The following ARHGAP4 variants were observed in gnomAD, a reference collection of about 807,000 sequenced individuals.
ARHGAP4 encodes Rho GTPase activating protein 4.
ARHGAP4 carries 25 observed loss-of-function variants against 67.6 expected under a neutral mutation model. The observed-to-expected ratio is 0.37, with a 90% CI of 0.27 to 0.52. The LOEUF is 0.52. Among genes scored for constraint, ARHGAP4 ranks in the 20% least tolerant of loss-of-function variants. ARHGAP4 has a pLI of 0.92. For missense variants in ARHGAP4, 804 were observed against 854.6 expected, an observed-to-expected ratio of 0.94 and a Z score of 0.74; for synonymous variants, 448 against 373.7, an observed-to-expected ratio of 1.20 and a Z score of -2.29.
Position 153,907,698 on chromosome X carries a change from G to T in ARHGAP4, c.*31C>A. 1.2e-6 allele frequency: 1 copy of T among 841,648 alleles called. No homozygotes were observed. Among genetic ancestry groups the T allele is most frequent in the Non-Finnish European group, 1.6e-6 (1 of 636,013 alleles). The allele number at this position is 841,648 out of a possible 1,213,427, so 69.4% of individuals were successfully genotyped here. The stretch of plus-strand genomic sequence containing the variant: ...AGAGTGGCCGGTCCAGCGGGTAGCC[G>T]CCGGGGGCACGCATCTCCAGCAGCG... On this transcript the variant is annotated 3_prime_UTR_variant, in exon 22 of 22. Coordinates refer to ENST00000350060, the MANE Select transcript of ARHGAP4 (RefSeq NM_001666.5).
chrX:153,924,919 AC>A lies in ARHGAP4; in HGVS notation c.67+1216del, dbSNP rs34910218. Among the ~76,000 whole-genome samples, 139 of 112,014 alleles carry A rather than the reference AC, an allele frequency of 1.2e-3. 1 individual carries two copies. The highest frequency in any genetic ancestry group is 0.01 in the Admixed American group (111 of 10,594). On this transcript the variant is annotated intron_variant, in intron 1 of 21. Transcript: ENST00000350060. ...GAGAATTTAGGGTGTCAAGACAGTG[AC>A]CCCACTTTGTAGAATGGTAGGAAGC...
intron 9 of ARHGAP4, 23 bp from the exon 10 acceptor site, chrX:153,913,325 C>T: frequency 8.4e-7 from 1 of 1,196,563 alleles, no homozygotes; most frequent in African/African-American, 1.7e-5. Flanking sequence ...AAGAAGAGCC[C>T]CAAGTGTTAG....
chrX:153,910,467 C>A (rs2065010939), intron 16 of ARHGAP4, 39 bp downstream of exon 16: 1 of 1,164,611 alleles, frequency 8.6e-7, no homozygotes, highest in South Asian at 1.9e-5. Flanking sequence ...TCCCCTCGAC[C>A]CCTGGCCCCC....
intron 21 of ARHGAP4, 44 bp from the exon 22 acceptor site, chrX:153,908,006 C>CGACTG: frequency 9.0e-7 from 1 of 1,107,437 alleles, no homozygotes; most frequent in Non-Finnish European, 1.2e-6. Context: ...TGAGTTCCCC[C>CGACTG]GACTGACCCT....
intron 7 of ARHGAP4, among the ~76,000 whole-genome samples, chrX:153,916,828 A>G (rs920932003): frequency 1.8e-5 from 2 of 113,232 alleles, no homozygotes; most frequent in Non-Finnish European, 1.9e-5. Flanking sequence ...CTGTAATCCC[A>G]GCACTTTGGG....
rs781869664 is a variant in ARHGAP4 at position 153,921,175 on chromosome X, A to AG, written c.436-17dup. ...GATCCCTGCTCTAGAGGCAGAGGCAAGGGTGAGCACGGCACTGCCCAGAGC... is the reference window on the plus strand; with the variant it reads ...GATCCCTGCTCTAGAGGCAGAGGCAAGGGGTGAGCACGGCACTGCCCAGAGC... On this transcript the variant is annotated splice_polypyrimidine_tract_variant and intron_variant, in intron 3 of 21. Transcript: ENST00000350060. 14 of 1,195,299 alleles carry AG rather than the reference A, an allele frequency of 1.2e-5. No individual in the cohort carries two copies. Among genetic ancestry groups the AG allele is most frequent in the Non-Finnish European group, 1.4e-5 (12 of 886,901 alleles).
chrX:153,909,958 G>C (rs1335389698), intron 18 of ARHGAP4, 34 bp from the exon 19 acceptor site: 1 of 1,209,298 alleles, frequency 8.3e-7, no homozygotes, highest in East Asian at 3.0e-5. Context: ...CTGTGGGAGG[G>C]GGTGTGGACA....
In ARHGAP4 at chrX:153,907,577, C is replaced by A. The variant is rs1557101492; in HGVS notation, c.*152G>T. On this transcript the variant is annotated 3_prime_UTR_variant, in exon 22 of 22. Coordinates refer to ENST00000350060, the MANE Select transcript of ARHGAP4 (RefSeq NM_001666.5). ...CAGGCAGGATGTGGAGCGGGCATCC[C>A]TGTGTGCACGGCCCCATCCCACCTC... is the stretch of plus-strand genomic sequence containing the variant. 5.4e-6 allele frequency: 2 copies of A among 373,499 alleles called. No individual in the cohort carries two copies. Among genetic ancestry groups the A allele is most frequent in the Admixed American group, 5.0e-5 (1 of 20,094 alleles). The allele number at this position is 373,499 out of a possible 1,213,427, so 30.8% of individuals were successfully genotyped here. A position where few individuals can be genotyped will look rare whatever the true frequency, so the allele number is the denominator to read the frequency against.
chrX:153,914,433 C>T (rs781922996), intron 7 of ARHGAP4, among the ~76,000 whole-genome samples: 1 of 112,739 alleles, frequency 8.9e-6, no homozygotes, highest in East Asian at 2.8e-4. Flanking sequence ...CAGTGGCTCA[C>T]GCCTCTAATC....
chrX:153,921,576 C>T (rs1557105346), intron 2 of ARHGAP4, 29 bp downstream of exon 2: 10 of 1,203,632 alleles, frequency 8.3e-6, no homozygotes, highest in Non-Finnish European at 1.1e-5. Context: ...TGGGCCCTGC[C>T]GTGGCCCCCC....
At chrX:153,918,780 C>A (rs1056808904) in intron 7 of ARHGAP4, 52 bp downstream of exon 7, 1 of 1,150,960 alleles carries the variant, frequency 8.7e-7, no homozygotes, top group Non-Finnish European at 1.2e-6. Flanking sequence ...CCACTGCCCA[C>A]CATTACAGTG....
intron 7 of ARHGAP4, 115 bp downstream of exon 7, chrX:153,918,717 G>A: frequency 2.4e-6 from 2 of 830,158 alleles, no homozygotes; most frequent in Non-Finnish European, 3.5e-6. Flanking sequence ...CTGCCGCACT[G>A]CCTGAGACCA....
Position 153,909,889 on chromosome X carries a change from C to A in ARHGAP4, c.2266G>T (p.Ala756Ser). The part of the protein sequence containing the change: ...EGVVEAVACF[A>S]YTGRTAQELS... Reference sequence around the variant, plus strand: ...TCCTGGGCTGTGCGGCCCGTGTAGGCAAAGCAGGCCACAGCCTCCACGACC... The same window carrying A: ...TCCTGGGCTGTGCGGCCCGTGTAGGAAAAGCAGGCCACAGCCTCCACGACC... Residue 756 changes from alanine (A) to serine (S), a missense_variant, in exon 19 of 22, where the codon GCC becomes TCC. Coordinates refer to ENST00000350060, the MANE Select transcript of ARHGAP4 (RefSeq NM_001666.5). The A allele has an allele frequency of 8.3e-7, 1 of 1,203,984 alleles. No individual in the cohort carries two copies. Among genetic ancestry groups the A allele is most frequent in the Non-Finnish European group, 1.1e-6 (1 of 892,192 alleles).
chrX:153,913,173 T>TCCTGGGCAGGGGAC, intron 10 of ARHGAP4, 45 bp downstream of exon 10: 1 of 1,161,919 alleles, frequency 8.6e-7, no homozygotes, highest in East Asian at 3.2e-5. Flanking sequence ...CTAGACAGGG[T>TCCTGGGCAGGGGAC]CCTGGGCAGG....
intron 1 of ARHGAP4, chrX:153,922,510 A>C (rs1190708179): frequency 1.6e-6 from 1 of 624,787 alleles, no homozygotes; most frequent in East Asian, 2.0e-4. Flanking sequence ...AGTCACACCC[A>C]GGGCCCCATA....
chrX:153,909,098 G>A lies in ARHGAP4; in HGVS notation c.2579C>T (p.Ser860Phe). The change falls in exon 21 of 22, where the codon TCC (serine) becomes TTC (phenylalanine). Residue 860 changes from serine to phenylalanine, a missense_variant. Ser to Phe is a radical substitution (Grantham distance 155). Around this residue, in one of 2 missense-constraint regions of ARHGAP4, gnomAD observed 400 missense variants for 348.7 expected, o/e 1.15. Coordinates refer to ENST00000350060, the MANE Select transcript of ARHGAP4 (RefSeq NM_001666.5). ...ATCCACCTCCACGTGTTGCTCTGGG[G>A]AGGCTGGGACCAAGCAGCGTCGTCT... The part of the protein sequence containing the change: ...GHRRRCLVPA[S>F]PEQHVEVDKA... 8.3e-7 allele frequency: 1 copy of A among 1,211,807 alleles called. No homozygotes were observed. The highest frequency in any genetic ancestry group is 1.1e-6 in the Non-Finnish European group (1 of 895,482).
chrX:153,908,105 A>G, intron 21 of ARHGAP4, 143 bp from the exon 22 acceptor site: 1 of 391,376 alleles, frequency 2.6e-6, no homozygotes. Context: ...ACTCTCCCCC[A>G]CTTTGCACCT....
rs782135907 is a variant in ARHGAP4 at position 153,913,409 on chromosome X, C to T, written c.1326G>A (p.Thr442=). Residue 442 remains threonine, a splice_region_variant and synonymous_variant, in exon 9 of 22, where the codon ACG becomes ACA. Transcript: ENST00000350060. ...CGCCCACCAGCCCAGCCCTCCCCAC[C>T]GTGAGGTAGAAGGTTTCGGTCTCCT... ...QQQETETFYL[T]KLQEYLSGRS... is the part of the protein sequence containing the mutation. 3 of 1,209,118 alleles carry T rather than the reference C, an allele frequency of 2.5e-6. No individual in the cohort carries two copies. Among genetic ancestry groups the T allele is most frequent in the East Asian group, 3.0e-5 (1 of 33,792 alleles).
intron 20 of ARHGAP4, 113 bp from the exon 21 acceptor site, chrX:153,909,282 C>T (rs2064997358): frequency 5.7e-6 from 5 of 877,837 alleles, no homozygotes; most frequent in East Asian, 3.4e-5. Context: ...GCCCAGTGGT[C>T]CCCAAGCTCC....
Sources: gnomAD v4.1 joint callset for allele counts (sites outside exome capture counted in the v4.1 genomes callset) on GRCh38, gnomAD v4.1.1 for gene constraint, gnomAD v4.1.1 regional missense constraint, MANE v1.5 for transcripts, NCBI Gene and HGNC (gene_info 2026-07-23, HGNC 2026-07-21) for gene names.